Variants in MYO9A observed in about 807,000 individuals in gnomAD.
MYO9A encodes the protein unconventional myosin-IXa.
In MYO9A, 103 loss-of-function variants were observed where a neutral mutation model predicts 293.3. That is an observed-to-expected ratio of 0.35 (90% CI 0.30 to 0.41). MYO9A has a LOEUF of 0.41. Ranked by LOEUF, MYO9A falls within the 10% of genes least tolerant of loss-of-function variation. The pLI is 1.00. For synonymous variants in MYO9A, 1,001 were observed against 1,035.7 expected, an observed-to-expected ratio of 0.97 and a Z score of 0.64; for missense variants, 2,685 against 3,033.0, an observed-to-expected ratio of 0.89 and a Z score of 2.69.
chr15:72,017,479 A>C (rs1240936346), intron 6 of MYO9A, among the ~76,000 whole-genome samples: 1 of 152,162 alleles, frequency 6.6e-6, no homozygotes, highest in African/African-American at 2.4e-5. Flanking sequence ...GTACGTGAAA[A>C]AGGAAAAGGG....
intron 12 of MYO9A, among the ~76,000 whole-genome samples, chr15:71,973,722 T>C (rs1567335079): frequency 6.6e-6 from 1 of 152,218 alleles, no homozygotes; most frequent in African/African-American, 2.4e-5. Flanking sequence ...GCCCAATGAA[T>C]GTGTCTGTTA....
intron 39 of MYO9A, among the ~76,000 whole-genome samples, chr15:71,842,915 A>G (rs901012857): frequency 4.0e-5 from 6 of 148,910 alleles, no homozygotes; most frequent in Non-Finnish European, 7.4e-5. Context: ...TTGTGTATGC[A>G]TGTGTGTGTG....
At chr15:72,046,886 A>G (rs1239478062) in intron 1 of MYO9A, among the ~76,000 whole-genome samples, 2 of 152,220 alleles carry the variant, frequency 1.3e-5, no homozygotes, top group African/African-American at 4.8e-5. Flanking sequence ...AAAAATCCAA[A>G]GAGTACAAAG....
intron 8 of MYO9A, among the ~76,000 whole-genome samples, chr15:72,003,716 A>AT (rs956161786): frequency 2.6e-5 from 4 of 151,948 alleles, no homozygotes; most frequent in South Asian, 2.1e-4. Flanking sequence ...AAAAAAAAAA[A>AT]AAAAATAAGA....
At chr15:71,981,921 T>C (rs2076281923) in intron 11 of MYO9A, among the ~76,000 whole-genome samples, 1 of 152,078 alleles carries the variant, frequency 6.6e-6, no homozygotes, top group African/African-American at 2.4e-5. Context: ...AAGTATAGCT[T>C]TAGGCATTTC....
intron 26 of MYO9A, chr15:71,891,060 ACCCACCCCATCCCC>A (rs2057162075): frequency 6.6e-6 from 1 of 152,180 alleles, no homozygotes; most frequent in African/African-American, 2.4e-5. Context: ...AATTGTTCCT[ACCCACCCCATCCCC>A]AACCCTGGTA....
intron 13 of MYO9A, among the ~76,000 whole-genome samples, chr15:71,961,213 C>T (rs989419330): frequency 3.9e-5 from 6 of 152,032 alleles, no homozygotes; most frequent in Admixed American, 3.9e-4. Context: ...TAAAAAATAG[C>T]TATATTTGGG....
intron 39 of MYO9A, among the ~76,000 whole-genome samples, chr15:71,831,875 T>G (rs1052457793): frequency 3.3e-5 from 5 of 152,046 alleles, no homozygotes; most frequent in Non-Finnish European, 7.4e-5. Flanking sequence ...ATAACCATGC[T>G]GAAGGAGACA....
intron 23 of MYO9A, among the ~76,000 whole-genome samples, chr15:71,900,345 A>C (rs1198590528): frequency 1.3e-5 from 2 of 148,762 alleles, no homozygotes; most frequent in South Asian, 2.1e-4. Flanking sequence ...CTGAGGCAGG[A>C]GAATGGCGTG....
intron 37 of MYO9A, 65 bp from the exon 38 acceptor site, chr15:71,850,232 T>C (rs1317658938): frequency 1.6e-5 from 25 of 1,569,968 alleles, no homozygotes; most frequent in African/African-American, 1.4e-4. Flanking sequence ...CATAGGGAAA[T>C]AGGCAGAAGA....
chr15:71,857,279 T>G (rs1242171122), intron 34 of MYO9A, among the ~76,000 whole-genome samples: 1 of 152,204 alleles, frequency 6.6e-6, no homozygotes, highest in African/African-American at 2.4e-5. Context: ...AAAAAAATTC[T>G]GAGTATTTTT....
intron 2 of MYO9A, among the ~76,000 whole-genome samples, chr15:72,039,015 A>C (rs1428696845): frequency 6.6e-6 from 1 of 152,146 alleles, no homozygotes; most frequent in Non-Finnish European, 1.5e-5. Flanking sequence ...AGTGAAATCC[A>C]TATTTATCCA....
chr15:71,849,186 A>G (rs1204015629), intron 38 of MYO9A, among the ~76,000 whole-genome samples: 3 of 152,216 alleles, frequency 2.0e-5, no homozygotes, highest in African/African-American at 7.2e-5. Flanking sequence ...ACAGTGGTTC[A>G]TGCCTGTAAT....
chr15:71,950,110 G>C (rs1435111078), intron 15 of MYO9A: 1 of 151,108 alleles, frequency 6.6e-6, no homozygotes, highest in Admixed American at 6.6e-5. Context: ...TGGTAGTTCC[G>C]TTTTTTTTAA....
intron 1 of MYO9A, among the ~76,000 whole-genome samples, chr15:72,058,906 A>G (rs1052624992): frequency 6.6e-6 from 1 of 152,242 alleles, no homozygotes; most frequent in African/African-American, 2.4e-5. Flanking sequence ...TTTTTAATGC[A>G]GTGTTCTGTG....
chr15:71,986,192 T>G (rs1249162609), intron 11 of MYO9A, among the ~76,000 whole-genome samples: 1 of 152,220 alleles, frequency 6.6e-6, no homozygotes, highest in Non-Finnish European at 1.5e-5. Flanking sequence ...TACAGTGTAT[T>G]AAGTATAAGA....
intron 41 of MYO9A, among the ~76,000 whole-genome samples, chr15:71,827,469 G>A (rs1363024055): frequency 2.6e-5 from 4 of 151,934 alleles, no homozygotes; most frequent in African/African-American, 4.8e-5. Flanking sequence ...TGTGATTATT[G>A]GCTTTTCTCT....
intron 33 of MYO9A, among the ~76,000 whole-genome samples, chr15:71,860,050 C>A (rs538711940): frequency 7.2e-5 from 11 of 152,276 alleles, no homozygotes; most frequent in African/African-American, 2.6e-4. Flanking sequence ...TTCAAAGCTG[C>A]TCATCCTGCC....
At chr15:72,025,749 G>C (rs1423457865) in intron 4 of MYO9A, among the ~76,000 whole-genome samples, 1 of 152,096 alleles carries the variant, frequency 6.6e-6, no homozygotes, top group Non-Finnish European at 1.5e-5. Context: ...AAAGCAACTA[G>C]ACAGAAGATG....
Sources: gnomAD v4.1 joint callset for allele counts (sites outside exome capture counted in the v4.1 genomes callset) on GRCh38, gnomAD v4.1.1 for gene constraint, MANE v1.5 for transcripts, NCBI Gene and HGNC (gene_info 2026-07-23, HGNC 2026-07-21) for gene names.